RBMS1: variants seen among roughly 807,000 people sequenced by gnomAD.
RBMS1 encodes RNA binding motif single stranded interacting protein 1.
Under a neutral mutation model 62.3 loss-of-function variants are expected in RBMS1, and 17 were observed. That is an observed-to-expected ratio of 0.27 (90% confidence interval 0.19 to 0.41). The LOEUF is 0.41. RBMS1 is among the 10% of genes least tolerant of loss of function. The pLI is 1.00. For missense variants in RBMS1, 334 were observed against 504.5 expected (o/e 0.66, Z 3.24); for synonymous variants, 172 against 170.0 (o/e 1.01, Z -0.09).
intron 2 of RBMS1, among the ~76,000 whole-genome samples, chr2:160,355,198 C>T (rs998504917): frequency 6.6e-6 from 1 of 152,108 alleles, no homozygotes; most frequent in African/African-American, 2.4e-5. Flanking sequence ...CTGAGAGTTT[C>T]GAATCCACTA....
At chr2:160,448,468 C>T (rs1469164524) in intron 1 of RBMS1, among the ~76,000 whole-genome samples, 7 of 152,208 alleles carry the variant, frequency 4.6e-5, no homozygotes, top group Non-Finnish European at 7.3e-5. Flanking sequence ...CTGGTTTTTG[C>T]ATTTTTTGAT....
At chr2:160,278,488 G>T in intron 11 of RBMS1, 60 bp downstream of exon 11, 1 of 1,331,566 alleles carries the variant, frequency 7.5e-7, no homozygotes, top group Non-Finnish European at 1.1e-6. Context: ...GGAAGATACA[G>T]GCTGCATTAA....
At chr2:160,285,286 T>C (rs1688321454) in intron 7 of RBMS1, among the ~76,000 whole-genome samples, 1 of 151,906 alleles carries the variant, frequency 6.6e-6, no homozygotes, top group Admixed American at 6.6e-5. Flanking sequence ...GGGAGGGGAA[T>C]TTGTACTTAG....
chr2:160,459,944 G>A (rs1157250554), intron 1 of RBMS1, among the ~76,000 whole-genome samples: 2 of 152,120 alleles, frequency 1.3e-5, no homozygotes, highest in Admixed American at 6.5e-5. Context: ...CTGAGCCAGG[G>A]GAGGATTTAT....
intron 1 of RBMS1, among the ~76,000 whole-genome samples, chr2:160,427,888 T>C (rs964504470): frequency 2.0e-5 from 3 of 152,218 alleles, no homozygotes; most frequent in Non-Finnish European, 2.9e-5. Context: ...CACAGATCAC[T>C]GTTCCAAAAA....
At chr2:160,306,137 G>C (rs1356877043) in intron 4 of RBMS1, among the ~76,000 whole-genome samples, 1 of 151,736 alleles carries the variant, frequency 6.6e-6, no homozygotes, top group Non-Finnish European at 1.5e-5. Context: ...TCGTGTGTGT[G>C]TGTGTGTGTG....
At chr2:160,442,253 C>T (rs759990064) in intron 1 of RBMS1, among the ~76,000 whole-genome samples, 19 of 152,300 alleles carry the variant, frequency 1.2e-4, no homozygotes, top group Non-Finnish European at 2.4e-4. Flanking sequence ...ACTTCCATGT[C>T]TTCTTCCAGA....
chr2:160,334,634 T>C (rs968200668), intron 2 of RBMS1, among the ~76,000 whole-genome samples: 6 of 152,096 alleles, frequency 3.9e-5, no homozygotes, highest in Non-Finnish European at 5.9e-5. Flanking sequence ...AAGGAAACTG[T>C]TGGCTAAGAA....
chr2:160,372,327 CCT>C (rs1040449856), intron 1 of RBMS1, among the ~76,000 whole-genome samples: 3 of 152,090 alleles, frequency 2.0e-5, no homozygotes, highest in Non-Finnish European at 2.9e-5. Context: ...CATTCCCACC[CCT>C]GTTGCCCCTA....
chr2:160,319,874 C>A (rs1270838513), intron 2 of RBMS1, among the ~76,000 whole-genome samples: 1 of 152,130 alleles, frequency 6.6e-6, no homozygotes, highest in African/African-American at 2.4e-5. Flanking sequence ...ATCATGTAAT[C>A]AAATGATTAC....
chr2:160,311,210 A>ATC lies in RBMS1; in HGVS notation c.402+1944_402+1945dup, dbSNP rs1361792296. On this transcript the variant is annotated intron_variant, in intron 4 of 13. Coordinates refer to ENST00000348849, the MANE Select transcript of RBMS1 (RefSeq NM_016836.4). ...ACCCTGTCTCCAAAAAAAAAAAAAA[A>ATC]TCTATCTATCTATCTATCTATCTAT... Among the ~76,000 whole-genome samples the ATC allele has an allele frequency of 1.9e-4, 11 of 56,610 alleles. 1 individual carries two copies. The highest frequency in any genetic ancestry group is 3.6e-4 in the East Asian group (1 of 2,784). The allele number at this position is 56,610 out of a possible 152,430, so 37.1% of individuals were successfully genotyped here. A position where few individuals can be genotyped will look rare whatever the true frequency, so the allele number is the denominator to read the frequency against.
chr2:160,467,168 A>G (rs1684729063), intron 1 of RBMS1, among the ~76,000 whole-genome samples: 1 of 152,078 alleles, frequency 6.6e-6, no homozygotes, highest in African/African-American at 2.4e-5. Flanking sequence ...CATGATAACA[A>G]AAAGATGGGC....
chr2:160,400,908 T>C (rs375312405), intron 1 of RBMS1, among the ~76,000 whole-genome samples: 3 of 152,174 alleles, frequency 2.0e-5, no homozygotes, highest in African/African-American at 4.8e-5. Context: ...TCATGCGTGA[T>C]TGAAATTCTC....
At chr2:160,329,182 C>T (rs1018446502) in intron 2 of RBMS1, among the ~76,000 whole-genome samples, 1 of 152,132 alleles carries the variant, frequency 6.6e-6, no homozygotes, top group African/African-American at 2.4e-5. Context: ...CTTGAAAAGC[C>T]AGTCTGAAGA....
chr2:160,310,994 G>C (rs1054593587), intron 4 of RBMS1, among the ~76,000 whole-genome samples: 3 of 151,808 alleles, frequency 2.0e-5, no homozygotes. Flanking sequence ...AGGAGTTCAA[G>C]ACCAGCCTGG....
intron 1 of RBMS1, among the ~76,000 whole-genome samples, chr2:160,472,324 C>T (rs1343916770): frequency 1.3e-5 from 2 of 152,100 alleles, no homozygotes; most frequent in Non-Finnish European, 1.5e-5. Flanking sequence ...ATTTGTATTT[C>T]TGAGTGATAG....
chr2:160,421,938 A>G (rs376157624), intron 1 of RBMS1, among the ~76,000 whole-genome samples: 1 of 152,168 alleles, frequency 6.6e-6, no homozygotes, highest in East Asian at 1.9e-4. Context: ...TGGCTGCATA[A>G]ATGTCTTCAC....
intron 1 of RBMS1, among the ~76,000 whole-genome samples, chr2:160,397,469 G>A (rs889898349): frequency 2.6e-5 from 4 of 151,890 alleles, no homozygotes; most frequent in African/African-American, 9.7e-5. Context: ...ATAAAAGTAA[G>A]CCCTATTTCC....
At chr2:160,437,607 G>A (rs1221324407) in intron 1 of RBMS1, among the ~76,000 whole-genome samples, 2 of 152,234 alleles carry the variant, frequency 1.3e-5, no homozygotes, top group Non-Finnish European at 2.9e-5. Context: ...AACAAAGGCA[G>A]TATGTGAATA....
Sources: allele counts gnomAD v4.1 joint callset (sites outside exome capture counted in the v4.1 genomes callset), GRCh38; gene constraint gnomAD v4.1.1; transcripts MANE v1.5; gene names NCBI Gene and HGNC (gene_info 2026-07-23, HGNC 2026-07-21).